MTR: variants seen among roughly 807,000 people sequenced by gnomAD.
The protein encoded by MTR is 5-methyltetrahydrofolate-homocysteine methyltransferase, also known as methionine synthase.
Under a neutral mutation model 154.8 loss-of-function variants are expected in MTR, and 84 were observed. The ratio of observed to expected loss-of-function variants is 0.54; its 90% CI spans 0.45 to 0.65. The LOEUF (loss-of-function observed/expected upper bound fraction) is 0.65. Among genes scored for constraint, MTR ranks in the 30% least tolerant of loss-of-function variants. MTR has a pLI of 0.00. For synonymous variants in MTR, 554 were observed against 553.9 expected (o/e 1.00, Z 0.00); for missense variants, 1,275 against 1,570.2 (o/e 0.81, Z 3.18).
At chr1:236,824,545 G>A (rs1270470609) in intron 9 of MTR, among the ~76,000 whole-genome samples, 1 of 152,160 alleles carries the variant, frequency 6.6e-6, no homozygotes, top group African/African-American at 2.4e-5. Context: ...CCCTTTCTCT[G>A]GTCCACTCTG....
intron 15 of MTR, among the ~76,000 whole-genome samples, chr1:236,844,080 G>A (rs1663419986): frequency 6.6e-6 from 1 of 152,164 alleles, no homozygotes; most frequent in South Asian, 2.1e-4. Flanking sequence ...AGGGCACTGG[G>A]GAGAAGAGGA....
chr1:236,897,310 G>GCGCGCGCGCACACACACACACACA lies in MTR; in HGVS notation c.3711+193_3711+194insGCGCGCGCACACACACACACACAC. 9.8e-3 allele frequency among the ~76,000 whole-genome samples: 1,261 copies of GCGCGCGCGCACACACACACACACA among 128,600 alleles called. 16 individuals are homozygous for GCGCGCGCGCACACACACACACACA. The highest frequency in any genetic ancestry group is 0.014 in the Non-Finnish European group (815 of 58,106). 84.4% of individuals were successfully genotyped at this position (128,600 alleles called of 152,430 possible). ...ACTTCTACATGCAAGCCACACACAC[G>GCGCGCGCGCACACACACACACACA]CACACACACACACACACACACACAC... On this transcript the variant is annotated intron_variant, in intron 32 of 32. Coordinates refer to ENST00000366577, the MANE Select transcript of MTR (RefSeq NM_000254.3).
At chr1:236,795,872 A>G in intron 1 of MTR, 135 bp downstream of exon 1, 1 of 1,389,600 alleles carries the variant, frequency 7.2e-7, no homozygotes. Flanking sequence ...CGGCACCTTT[A>G]GAACTTAGCG....
chr1:236,863,600 T>TG, intron 22 of MTR, 46 bp downstream of exon 22: 1 of 1,524,314 alleles, frequency 6.6e-7, no homozygotes, highest in Non-Finnish European at 9.1e-7. Flanking sequence ...CATTTAAAAA[T>TG]GAAAGCCTTT....
rs868092559 is a variant in MTR at position 236,886,753 on chromosome 1, C to G, written c.2851+386C>G. Among the ~76,000 whole-genome samples, 3 of 152,290 alleles carry G rather than the reference C, an allele frequency of 2.0e-5. No individual in the cohort carries two copies. The Middle Eastern group carries it at 0.01, about 518-fold the overall frequency. On this transcript the variant is annotated intron_variant, in intron 27 of 32. Transcript: ENST00000366577. ...CCTCTGTGCTGTGCTTGCGTGGGTC[C>G]CCGTCTCCTTGAAGGAAGTTCTGTG...
At position 236,896,999 on chromosome 1, in the gene MTR, C is replaced by T. The variant is rs574792706; in HGVS notation, c.3599-7C>T. On this transcript the variant is annotated splice_region_variant and splice_polypyrimidine_tract_variant and intron_variant, in intron 31 of 32. Coordinates refer to ENST00000366577, the MANE Select transcript of MTR (RefSeq NM_000254.3). ...CATAAGCATTTTCCCTGTGTTGCTC[C>T]CTCTAGGCATTAGGTTAACAGAATC... 6.2e-7 allele frequency: 1 copy of T among 1,606,562 alleles called. No individual in the cohort carries two copies. Among genetic ancestry groups the T allele is most frequent in the South Asian group, 1.1e-5 (1 of 90,924 alleles).
chr1:236,825,940 C>T (rs572627106), intron 10 of MTR, among the ~76,000 whole-genome samples: 1 of 152,282 alleles, frequency 6.6e-6, no homozygotes, highest in African/African-American at 2.4e-5. Flanking sequence ...CTATTTCTGA[C>T]TTACTTCTTA....
At chr1:236,811,482 A>G (rs926431105) in intron 5 of MTR, among the ~76,000 whole-genome samples, 2 of 152,256 alleles carry the variant, frequency 1.3e-5, no homozygotes, top group African/African-American at 4.8e-5. Flanking sequence ...CTGAATAGTC[A>G]TGATACCATG....
intron 25 of MTR, among the ~76,000 whole-genome samples, chr1:236,881,761 A>G (rs1401944840): frequency 2.0e-5 from 3 of 152,094 alleles, no homozygotes; most frequent in Admixed American, 1.3e-4. Context: ...TGAAAGTTAT[A>G]TAATCATCAC....
intron 13 of MTR, among the ~76,000 whole-genome samples, chr1:236,834,672 C>T (rs535030981): frequency 6.6e-6 from 1 of 152,010 alleles, no homozygotes; most frequent in East Asian, 1.9e-4. Context: ...TTGATTTTAT[C>T]CTTGCTTATT....
intron 8 of MTR, 69 bp from the exon 9 acceptor site, chr1:236,824,050 A>G: frequency 7.7e-7 from 1 of 1,294,534 alleles, no homozygotes; most frequent in East Asian, 2.3e-5. Context: ...TATTGTCTCC[A>G]TATATAACTT....
rs1449860031 is a variant in MTR at position 236,897,989 on chromosome 1, G to A, written c.*345G>A. ...CTGTTTTTACAGTGGAATCTAGGAG[G>A]CCACTTAGTCGTCTTTTTTTCCTCT... is the stretch of plus-strand genomic sequence containing the variant. On this transcript the variant is annotated 3_prime_UTR_variant, in exon 33 of 33. Coordinates refer to ENST00000366577, the MANE Select transcript of MTR (RefSeq NM_000254.3). 3.7e-6 allele frequency: 1 copy of A among 267,004 alleles called. No individual in the cohort carries two copies. Among genetic ancestry groups the A allele is most frequent in the East Asian group, 9.9e-5 (1 of 10,104 alleles). 16.5% of individuals were successfully genotyped at this position (267,004 alleles called of 1,614,324 possible).
chr1:236,850,938 C>T lies in MTR; in HGVS notation c.1695+415C>T, dbSNP rs2103244555. On this transcript the variant is annotated intron_variant, in intron 16 of 32. Coordinates refer to ENST00000366577, the MANE Select transcript of MTR (RefSeq NM_000254.3). ...CCCAAAATAGAGCATAGCTAGCGCC[C>T]CCGTCTGTCTCTCCTTTTCCAGTTA... Among the ~76,000 whole-genome samples, 2 of 152,242 alleles carry T rather than the reference C, an allele frequency of 1.3e-5. 1 individual carries two copies. The highest frequency in any genetic ancestry group is 4.1e-4 in the South Asian group (2 of 4,820).
In MTR at chr1:236,874,581, A is replaced by T. The variant is rs58213669; in HGVS notation, c.2474-145A>T. On this transcript the variant is annotated intron_variant, in intron 23 of 32. Transcript: ENST00000366577. The stretch of plus-strand genomic sequence containing the variant: ...ATGAGACTCCATCTCAAAAAAAAAA[A>T]AAAAGAATTAGGAATTGGGAATTCA... The T allele has an allele frequency of 0.19, 117,896 of 631,578 alleles. 13,675 individuals are homozygous for T. Among genetic ancestry groups the T allele is most frequent in the South Asian group, 0.3 (14,180 of 47,192 alleles). The allele number at this position is 631,578 out of a possible 1,614,324, so 39.1% of individuals were successfully genotyped here.
Position 236,895,353 on chromosome 1 carries a change from C to T in MTR, c.3406-5C>T, listed in dbSNP as rs992021251. ...CTAAGCATGCCTGCTGCTTTGGGTCCCAAGGCCTTTGCAGAAGAGCTCCAT... is the reference window on the plus strand; with the variant it reads ...CTAAGCATGCCTGCTGCTTTGGGTCTCAAGGCCTTTGCAGAAGAGCTCCAT... On this transcript the variant is annotated splice_region_variant and splice_polypyrimidine_tract_variant and intron_variant, in intron 30 of 32. Coordinates refer to ENST00000366577, the MANE Select transcript of MTR (RefSeq NM_000254.3). 3.1e-6 allele frequency: 5 copies of T among 1,589,764 alleles called. No individual in the cohort carries two copies. The African/African-American group carries it at 6.7e-5, about 21-fold the overall frequency.
rs201582075 is a variant in MTR, at chr1:236,885,223, A to G, written c.2775+4A>G. 8.4e-6 allele frequency: 13 copies of G among 1,539,596 alleles called. No individual in the cohort carries two copies. The highest frequency in any genetic ancestry group is 8.3e-5 in the Admixed American group (5 of 59,950). The stretch of plus-strand genomic sequence containing the variant: ...GGACCATTATGAGTCTCTCAAGGTA[A>G]GTGGTAGAAACAGATTTTTGCTTGT... On this transcript the variant is annotated splice_donor_region_variant and intron_variant, in intron 26 of 32. Coordinates refer to ENST00000366577, the MANE Select transcript of MTR (RefSeq NM_000254.3).
intron 18 of MTR, among the ~76,000 whole-genome samples, chr1:236,857,717 G>A (rs113331734): frequency 6.6e-6 from 1 of 152,236 alleles, no homozygotes; most frequent in African/African-American, 2.4e-5. Flanking sequence ...ATGCAGAAAT[G>A]TATAGAGGTG....
chr1:236,873,742 A>G (rs752365915), intron 22 of MTR, 31 bp from the exon 23 acceptor site: 2 of 1,589,002 alleles, frequency 1.3e-6, no homozygotes, highest in Non-Finnish European at 1.7e-6. Flanking sequence ...GGCTTTCATT[A>G]ATTTTCTCAT....
intron 1 of MTR, among the ~76,000 whole-genome samples, chr1:236,798,430 T>A (rs1660521230): frequency 6.6e-6 from 1 of 152,218 alleles, no homozygotes; most frequent in South Asian, 2.1e-4. Context: ...TGTTTATTCT[T>A]TGGAACACTT....
Sources: gnomAD v4.1 joint callset for allele counts (sites outside exome capture counted in the v4.1 genomes callset) on GRCh38, gnomAD v4.1.1 for gene constraint, MANE v1.5 for transcripts, NCBI Gene and HGNC (gene_info 2026-07-23, HGNC 2026-07-21) for gene names.